ATP8B1: variants seen among roughly 807,000 people sequenced by gnomAD.
ATP8B1 encodes phospholipid-transporting ATPase IC.
A neutral mutation model predicts 149.9 loss-of-function variants in ATP8B1; 80 were observed. The observed-to-expected ratio is 0.53, with a 90% CI of 0.45 to 0.64. ATP8B1 has a LOEUF of 0.64. Among genes scored for constraint, ATP8B1 ranks in the 30% least tolerant of loss-of-function variants. ATP8B1 has a pLI of 0.00. For missense variants in ATP8B1, 1,247 were observed against 1,552.6 expected, an observed-to-expected ratio of 0.80 and a Z score of 3.31; for synonymous variants, 536 against 562.8, an observed-to-expected ratio of 0.95 and a Z score of 0.67.
intron 22 of ATP8B1, chr18:57,659,638 T>G (rs1910258958): frequency 7.5e-6 from 1 of 132,568 alleles, no homozygotes. Context: ...ACCATTCGCA[T>G]GGTAGGGCAA....
chr18:57,777,789 C>T (rs750280501), intron 1 of ATP8B1, among the ~76,000 whole-genome samples: 4 of 152,156 alleles, frequency 2.6e-5, no homozygotes, highest in African/African-American at 4.8e-5. Context: ...AAGCTGGTTT[C>T]GAACTTCTGG....
intron 15 of ATP8B1, among the ~76,000 whole-genome samples, chr18:57,682,848 T>G (rs1266265523): frequency 1.3e-5 from 2 of 151,022 alleles, no homozygotes; most frequent in Non-Finnish European, 3.0e-5. Flanking sequence ...GTGTTTTTTG[T>G]TTTTTTTTGA....
In ATP8B1 at chr18:57,652,621, G is replaced by C; in HGVS notation, c.3124C>G (p.Leu1042Val). 6.2e-7 allele frequency: 1 copy of C among 1,614,172 alleles called. No individual in the cohort carries two copies. Among genetic ancestry groups the C allele is most frequent in the Non-Finnish European group, 8.5e-7 (1 of 1,180,024 alleles). ...RFFVSLLHGV[L>V]TSMILFFIPL... ...ATGAAGAAGAGGATCATCGATGTTA[G>C]GACCCCATGCAACAAGCTTACAAAG... Residue 1042 changes from leucine to valine, a missense_variant, in exon 25 of 28, where the codon CTA (leucine) becomes GTA (valine). Coordinates refer to ENST00000648908, the MANE Select transcript of ATP8B1 (RefSeq NM_001374385.1).
intron 3 of ATP8B1, 53 bp downstream of exon 3, chr18:57,706,437 T>G (rs777529820): frequency 3.5e-5 from 51 of 1,464,888 alleles, no homozygotes; most frequent in Middle Eastern, 1.7e-4. Flanking sequence ...GCATGCCAGC[T>G]ACTGGAAAAA....
intron 1 of ATP8B1, among the ~76,000 whole-genome samples, chr18:57,787,437 G>C (rs546753679): frequency 7.4e-6 from 1 of 135,420 alleles, no homozygotes; most frequent in African/African-American, 2.5e-5. Flanking sequence ...CACTGCGGGA[G>C]GAGCTCCATC....
At chr18:57,740,068 A>G (rs769455728) in intron 1 of ATP8B1, among the ~76,000 whole-genome samples, 25 of 152,058 alleles carry the variant, frequency 1.6e-4, no homozygotes, top group Non-Finnish European at 3.2e-4. Flanking sequence ...CATACCGGCT[A>G]TGGTAGTTTT....
chr18:57,679,755 C>T (rs1336188649), intron 15 of ATP8B1, among the ~76,000 whole-genome samples: 1 of 152,118 alleles, frequency 6.6e-6, no homozygotes, highest in East Asian at 1.9e-4. Flanking sequence ...ACCTCCGCCT[C>T]GCGGGTTCAA....
Position 57,669,392 on chromosome 18 carries a change from C to T in ATP8B1, c.2023G>A (p.Ala675Thr), listed in dbSNP as rs1911093015. Residue 675 changes from alanine to threonine, a missense_variant, in exon 18 of 28, where the codon GCT becomes ACT. Around this residue, in one of 3 missense-constraint regions of ATP8B1, gnomAD observed 853 missense variants for 1,035.7 expected, o/e 0.82. Transcript: ENST00000648908. Reference protein sequence around the residue: ...EFTEWNKKFMAASVASTNRDE... With the variant: ...EFTEWNKKFMTASVASTNRDE... ...CGGTTGGTGGAGGCCACACTGGCAG[C>T]CATAAACTTTTTATTCCATTCTGTA... The T allele has an allele frequency of 6.2e-7, 1 of 1,613,818 alleles. No individual in the cohort carries two copies. The highest frequency in any genetic ancestry group is 8.5e-7 in the Non-Finnish European group (1 of 1,179,922).
chr18:57,713,213 T>TC (rs1313544079), intron 2 of ATP8B1, among the ~76,000 whole-genome samples: 3 of 129,730 alleles, frequency 2.3e-5, no homozygotes, highest in African/African-American at 9.2e-5. Context: ...CCTTCCTTCC[T>TC]TCCTTCCTTC....
chr18:57,695,186 A>G lies in ATP8B1; in HGVS notation c.925T>C (p.Leu309=), dbSNP rs773582316. The G allele has an allele frequency of 6.2e-7, 1 of 1,614,166 alleles. No homozygotes were observed. The highest frequency in any genetic ancestry group is 1.7e-5 in the Admixed American group (1 of 60,014). ...CTGAACGTACCTGCAAAAATGACTA[A>G]GCCGTGGCAGAAATCGGTGTTCCTA... ...VIRNTDFCHG[L]VIFAGADTKI... Residue 309 remains leucine, a synonymous_variant, in exon 10 of 28, where the codon TTA becomes CTA. Transcript: ENST00000648908.
At chr18:57,787,863 T>G (rs1402275780) in intron 1 of ATP8B1, among the ~76,000 whole-genome samples, 2 of 152,170 alleles carry the variant, frequency 1.3e-5, no homozygotes, top group African/African-American at 2.4e-5. Flanking sequence ...AAGGGACCTA[T>G]ATAGTATCCA....
Position 57,648,496 on chromosome 18 carries a change from C to G in ATP8B1, c.3748G>C (p.Asp1250His). ...DGTAEYRRTGDS is the reference protein window; with the variant it reads ...DGTAEYRRTGHS ...AGCCTGGGGGTAAGGGATCAGCTGTCCCCGGTGCGCCTGTACTCCGCGGTG... is the reference window on the plus strand; with the variant it reads ...AGCCTGGGGGTAAGGGATCAGCTGTGCCCGGTGCGCCTGTACTCCGCGGTG... Residue 1250 changes from aspartate to histidine, a missense_variant, in exon 28 of 28, where the codon GAC (aspartate) becomes CAC (histidine). Around this residue, in one of 3 missense-constraint regions of ATP8B1, gnomAD observed 164 missense variants for 160.3 expected, o/e 1.02. Coordinates refer to ENST00000648908, the MANE Select transcript of ATP8B1 (RefSeq NM_001374385.1). The G allele has an allele frequency of 6.2e-7, 1 of 1,611,238 alleles. No individual in the cohort carries two copies.
At position 57,646,762 on chromosome 18, in the gene ATP8B1, A is replaced by C. The variant is rs768661400; in HGVS notation, c.*1726T>G. 1 of 152,686 alleles carries C rather than the reference A, an allele frequency of 6.5e-6. No individual in the cohort carries two copies. The highest frequency in any genetic ancestry group is 1.5e-5 in the Non-Finnish European group (1 of 68,042). 9.5% of individuals were successfully genotyped at this position (152,686 alleles called of 1,614,324 possible). A position where few individuals can be genotyped will look rare whatever the true frequency, so the allele number is the denominator to read the frequency against. On this transcript the variant is annotated 3_prime_UTR_variant, in exon 28 of 28. Coordinates refer to ENST00000648908, the MANE Select transcript of ATP8B1 (RefSeq NM_001374385.1). Reference sequence around the variant, plus strand: ...TTTTACTTCCACAGAATAAAAAGCCATACATTCTTTTATCATACCTAGAAA... The same window carrying C: ...TTTTACTTCCACAGAATAAAAAGCCCTACATTCTTTTATCATACCTAGAAA...
Position 57,684,110 on chromosome 18 carries a change from C to T in ATP8B1, c.1556G>A (p.Gly519Glu), listed in dbSNP as rs886054011. ...DHYLIEQIQS[G>E]KEPEVRQFFF... ...GAACTGTCGTACTTCTGGCTCTTTCCCTGACTGGATTTGCTCAATAAGATA... is the reference window on the plus strand; with the variant it reads ...GAACTGTCGTACTTCTGGCTCTTTCTCTGACTGGATTTGCTCAATAAGATA... The change falls in exon 15 of 28, where the codon GGG (glycine) becomes GAG (glutamate). Residue 519 changes from glycine (G) to glutamate (E), a missense_variant. Gly to Glu is a moderately conservative substitution (Grantham distance 98). Transcript: ENST00000648908. The T allele has an allele frequency of 8.7e-6, 14 of 1,614,104 alleles. No individual in the cohort carries two copies. Among genetic ancestry groups the T allele is most frequent in the Non-Finnish European group, 1.2e-5 (14 of 1,180,036 alleles).
intron 1 of ATP8B1, among the ~76,000 whole-genome samples, chr18:57,761,512 A>G (rs1479187988): frequency 6.6e-6 from 1 of 152,186 alleles, no homozygotes; most frequent in Non-Finnish European, 1.5e-5. Context: ...TTTTAACAGC[A>G]ATAGTTTGTT....
chr18:57,698,639 A>C (rs965498375), intron 6 of ATP8B1, among the ~76,000 whole-genome samples: 5 of 152,134 alleles, frequency 3.3e-5, no homozygotes, highest in African/African-American at 1.2e-4. Flanking sequence ...CTGGCCGGTT[A>C]ACTTCTTAAT....
At chr18:57,744,677 A>C (rs1310292938) in intron 1 of ATP8B1, among the ~76,000 whole-genome samples, 1 of 152,238 alleles carries the variant, frequency 6.6e-6, no homozygotes, top group Non-Finnish European at 1.5e-5. Context: ...ATTCATGTTT[A>C]AATAATACAA....
At chr18:57,801,543 C>T (rs768927049) in intron 1 of ATP8B1, among the ~76,000 whole-genome samples, 1 of 152,148 alleles carries the variant, frequency 6.6e-6, no homozygotes, top group Non-Finnish European at 1.5e-5. Context: ...CCTTAGCGGA[C>T]GAAAATTAGC....
intron 1 of ATP8B1, among the ~76,000 whole-genome samples, chr18:57,795,143 C>T (rs1339936237): frequency 6.6e-6 from 1 of 152,044 alleles, no homozygotes; most frequent in Non-Finnish European, 1.5e-5. Context: ...TCACACCTGT[C>T]ATCTCAACAC....
Sources: allele counts gnomAD v4.1 joint callset (sites outside exome capture counted in the v4.1 genomes callset), GRCh38; gene constraint gnomAD v4.1.1; regional missense constraint gnomAD v4.1.1; transcripts MANE v1.5; gene names NCBI Gene and HGNC (gene_info 2026-07-23, HGNC 2026-07-21).